Variants in SNTG1 observed in about 807,000 individuals in gnomAD.
SNTG1 encodes syntrophin gamma 1.
In SNTG1, 39 loss-of-function variants were observed where a neutral mutation model predicts 74.7. The ratio of observed to expected loss-of-function variants is 0.52; its 90% CI spans 0.40 to 0.68. The LOEUF is 0.68. SNTG1 is among the 30% of genes least tolerant of loss of function. SNTG1 has a pLI of 0.00. For missense variants in SNTG1, 685 were observed against 609.5 expected (o/e 1.12, Z -1.30); for synonymous variants, 254 against 217.1 (o/e 1.17, Z -1.49).
chr8:50,486,453 C>G (rs1386837564), intron 8 of SNTG1, among the ~76,000 whole-genome samples: 2 of 89,620 alleles, frequency 2.2e-5, no homozygotes, highest in East Asian at 6.0e-4. Context: ...CTCTGTTTCT[C>G]TGTTGTTGGT....
At chr8:50,688,890 C>A (rs1471083087) in intron 15 of SNTG1, among the ~76,000 whole-genome samples, 1 of 151,952 alleles carries the variant, frequency 6.6e-6, no homozygotes, top group Admixed American at 6.6e-5. Context: ...TACCCATGAG[C>A]ATGGAATGTT....
intron 17 of SNTG1, among the ~76,000 whole-genome samples, chr8:50,714,169 C>T (rs1383179312): frequency 6.6e-6 from 1 of 151,796 alleles, no homozygotes; most frequent in Non-Finnish European, 1.5e-5. Flanking sequence ...ATTTCTGATC[C>T]CTCTGTTCTC....
At chr8:50,065,779 G>T (rs1340786523) in intron 1 of SNTG1, among the ~76,000 whole-genome samples, 3 of 152,182 alleles carry the variant, frequency 2.0e-5, no homozygotes, top group Non-Finnish European at 4.4e-5. Context: ...CAAGGAGGGA[G>T]TACATTTGAT....
At chr8:50,046,537 T>C (rs897608364) in intron 1 of SNTG1, among the ~76,000 whole-genome samples, 1 of 152,214 alleles carries the variant, frequency 6.6e-6, no homozygotes, top group Admixed American at 6.5e-5. Context: ...TTTTTAAATA[T>C]TCTGAAATCA....
chr8:50,043,548 A>G (rs189758842), intron 1 of SNTG1, among the ~76,000 whole-genome samples: 2 of 152,338 alleles, frequency 1.3e-5, no homozygotes, highest in Admixed American at 1.3e-4. Context: ...TTGCAGGAGT[A>G]AACTGTGAGT....
intron 18 of SNTG1, among the ~76,000 whole-genome samples, chr8:50,769,842 A>T (rs2131779098): frequency 6.6e-6 from 1 of 152,254 alleles, no homozygotes; most frequent in South Asian, 2.1e-4. Flanking sequence ...ATAAAGCAAA[A>T]TTTTATTAAA....
At chr8:50,441,350 C>G (rs1457380801) in intron 5 of SNTG1, among the ~76,000 whole-genome samples, 1 of 152,090 alleles carries the variant, frequency 6.6e-6, no homozygotes, top group East Asian at 1.9e-4. Context: ...TCTTCTTTAC[C>G]TTATATAAGA....
chr8:49,981,208 A>G (rs1812648859), intron 1 of SNTG1, among the ~76,000 whole-genome samples: 1 of 152,232 alleles, frequency 6.6e-6, no homozygotes, highest in Admixed American at 6.5e-5. Context: ...TAGTACCTGA[A>G]GTAACCTTAG....
At position 50,204,180 on chromosome 8, in the gene SNTG1, G is replaced by A. The variant is rs571275189; in HGVS notation, c.-28+31545G>A. On this transcript the variant is annotated intron_variant, in intron 2 of 18. Transcript: ENST00000642720. ...CTAGCCATCTACCTTACAGCCCTCCGAAGATATGTGCCAAGTAAGATTTAT... is the reference window on the plus strand; with the variant it reads ...CTAGCCATCTACCTTACAGCCCTCCAAAGATATGTGCCAAGTAAGATTTAT... 3.9e-5 allele frequency among the ~76,000 whole-genome samples: 6 copies of A among 152,182 alleles called. No individual in the cohort carries two copies. The East Asian group carries it at 5.8e-4, about 15-fold the overall frequency.
intron 2 of SNTG1, among the ~76,000 whole-genome samples, chr8:50,280,601 G>A (rs1450172478): frequency 2.6e-5 from 4 of 152,148 alleles, no homozygotes; most frequent in Non-Finnish European, 5.9e-5. Context: ...CTGAAAAGGT[G>A]GGACAACTTG....
chr8:50,734,149 T>C (rs1168583430), intron 17 of SNTG1, among the ~76,000 whole-genome samples: 1 of 151,696 alleles, frequency 6.6e-6, no homozygotes, highest in Admixed American at 6.6e-5. Flanking sequence ...AAAATATATA[T>C]AAAGGAAACA....
At chr8:50,633,686 C>T (rs985719147) in intron 13 of SNTG1, among the ~76,000 whole-genome samples, 4 of 152,138 alleles carry the variant, frequency 2.6e-5, no homozygotes, top group African/African-American at 7.2e-5. Context: ...ACATAACCAT[C>T]CAAACGAGCT....
In SNTG1 at chr8:50,341,573, G is replaced by A. The variant is rs561508581; in HGVS notation, c.-27-52639G>A. 1.3e-3 allele frequency among the ~76,000 whole-genome samples: 197 copies of A among 152,032 alleles called. 1 individual carries two copies. The highest frequency in any genetic ancestry group is 4.6e-3 in the African/African-American group (190 of 41,536). ...GGAAGATTGACATGAGTCATAAGACGTGTGGCTGAAAATAAATTTTAATAG... is the reference window on the plus strand; with the variant it reads ...GGAAGATTGACATGAGTCATAAGACATGTGGCTGAAAATAAATTTTAATAG... On this transcript the variant is annotated intron_variant, in intron 2 of 18. Transcript: ENST00000642720.
intron 12 of SNTG1, among the ~76,000 whole-genome samples, chr8:50,567,061 GGAA>G (rs2094520116): frequency 1.3e-5 from 2 of 151,988 alleles, no homozygotes; most frequent in Non-Finnish European, 2.9e-5. Flanking sequence ...CTTTGTTGAT[GGAA>G]TAATAGTCTT....
chr8:49,953,644 T>C (rs754025095), intron 1 of SNTG1, among the ~76,000 whole-genome samples: 1 of 152,248 alleles, frequency 6.6e-6, no homozygotes, highest in Non-Finnish European at 1.5e-5. Context: ...TATCTATTTG[T>C]TATCTCATCA....
intron 13 of SNTG1, among the ~76,000 whole-genome samples, chr8:50,631,587 G>A (rs1412875234): frequency 6.6e-5 from 10 of 152,192 alleles, no homozygotes; most frequent in Admixed American, 5.9e-4. Context: ...GCAAATTCGA[G>A]AAGGATAAGT....
chr8:50,168,583 A>G (rs2082703702), intron 1 of SNTG1, among the ~76,000 whole-genome samples: 1 of 152,182 alleles, frequency 6.6e-6, no homozygotes, highest in African/African-American at 2.4e-5. Context: ...ATATGTATAT[A>G]TGTATGTTAT....
chr8:50,237,959 G>C (rs990278867), intron 2 of SNTG1, among the ~76,000 whole-genome samples: 1 of 152,070 alleles, frequency 6.6e-6, no homozygotes, highest in South Asian at 2.1e-4. Flanking sequence ...TTACTAGAAT[G>C]ATACAACTTT....
chr8:50,604,718 G>A (rs926399627), intron 13 of SNTG1, among the ~76,000 whole-genome samples: 2 of 152,108 alleles, frequency 1.3e-5, no homozygotes, highest in Non-Finnish European at 2.9e-5. Context: ...CACCACAATA[G>A]CCTGCTTGGT....
Sources: allele counts gnomAD v4.1 joint callset (sites outside exome capture counted in the v4.1 genomes callset), GRCh38; gene constraint gnomAD v4.1.1; transcripts MANE v1.5; gene names NCBI Gene and HGNC (gene_info 2026-07-23, HGNC 2026-07-21).